Variants in KCNIP4 observed in about 807,000 individuals in gnomAD.
KCNIP4 encodes the protein potassium voltage-gated channel interacting protein 4.
Under a neutral mutation model 34.0 loss-of-function variants are expected in KCNIP4, and 12 were observed. The observed-to-expected ratio is 0.35, with a 90% CI of 0.23 to 0.57. KCNIP4 has a LOEUF of 0.57. Among genes scored for constraint, KCNIP4 ranks in the 20% least tolerant of loss-of-function variants. The pLI is 0.83. For synonymous variants in KCNIP4, 124 were observed against 102.2 expected (o/e 1.21, Z -1.29); for missense variants, 238 against 311.7 (o/e 0.76, Z 1.78).
At chr4:20,763,334 A>G (rs180796435) in intron 3 of KCNIP4, among the ~76,000 whole-genome samples, 143 of 152,296 alleles carry the variant, frequency 9.4e-4, no homozygotes, top group African/African-American at 3.2e-3. Flanking sequence ...TCTTATTCAC[A>G]TAACAATCTT....
rs550974191 is a variant in KCNIP4, at chr4:21,436,537, A to G, written c.61+512034T>C. Among the ~76,000 whole-genome samples the G allele has an allele frequency of 9.2e-5, 14 of 152,332 alleles. No homozygotes were observed. The South Asian group carries it at 2.9e-3, about 32-fold the overall frequency. ...TCACTACACATTCCCTTCTCGCCAC[A>G]TCTCCATTCAGGTAAAGCGATGGAG... On this transcript the variant is annotated intron_variant, in intron 1 of 8. Coordinates refer to ENST00000382152, the MANE Select transcript of KCNIP4 (RefSeq NM_025221.6).
chr4:21,181,465 GA>G (rs996430279), intron 1 of KCNIP4, among the ~76,000 whole-genome samples: 2 of 152,060 alleles, frequency 1.3e-5, no homozygotes, highest in African/African-American at 4.8e-5. Flanking sequence ...GTATCACATG[GA>G]TTGCACTGAC....
intron 1 of KCNIP4, among the ~76,000 whole-genome samples, chr4:21,247,535 T>C (rs919427560): frequency 1.4e-5 from 2 of 146,644 alleles, no homozygotes; most frequent in Non-Finnish European, 3.0e-5. Context: ...CAGGAACATT[T>C]ACAAGAAATA....
chr4:21,794,636 T>C (rs889735130), intron 1 of KCNIP4, among the ~76,000 whole-genome samples: 3 of 152,126 alleles, frequency 2.0e-5, no homozygotes, highest in Admixed American at 6.5e-5. Context: ...ATGCCTGTAA[T>C]CCCAGCACTT....
At chr4:21,286,319 T>G (rs1285450406) in intron 1 of KCNIP4, among the ~76,000 whole-genome samples, 1 of 152,172 alleles carries the variant, frequency 6.6e-6, no homozygotes, top group Non-Finnish European at 1.5e-5. Context: ...CCTATTAATA[T>G]GAAGCAACAA....
chr4:21,847,347 G>A (rs1161474088), intron 1 of KCNIP4: 1 of 152,044 alleles, frequency 6.6e-6, no homozygotes, highest in African/African-American at 2.4e-5. Flanking sequence ...CCAAGCATAC[G>A]TGGTAAAGCC....
intron 3 of KCNIP4, among the ~76,000 whole-genome samples, chr4:20,798,526 CACACACACACACAGACACACAA>C (rs1578643477): frequency 1.3e-5 from 2 of 151,440 alleles, no homozygotes; most frequent in East Asian, 3.9e-4. Context: ...CACACACATA[CACACACACACACAGACACACAA>C]AAAAGCTATG....
At chr4:21,654,747 C>T (rs1238571965) in intron 1 of KCNIP4, among the ~76,000 whole-genome samples, 1 of 152,016 alleles carries the variant, frequency 6.6e-6, no homozygotes, top group Non-Finnish European at 1.5e-5. Context: ...CATGGTGAAA[C>T]CCCGTCTCTA....
intron 1 of KCNIP4, among the ~76,000 whole-genome samples, chr4:21,631,292 T>C (rs1745749867): frequency 6.6e-6 from 1 of 152,214 alleles, no homozygotes; most frequent in Non-Finnish European, 1.5e-5. Flanking sequence ...AAAAAGATAG[T>C]AATATAAGCC....
intron 1 of KCNIP4, among the ~76,000 whole-genome samples, chr4:21,420,608 A>C (rs1725375061): frequency 6.6e-6 from 1 of 152,176 alleles, no homozygotes; most frequent in African/African-American, 2.4e-5. Context: ...TGTTTCATAC[A>C]TCTTTCCCAC....
At chr4:21,409,036 G>A (rs2201535) in intron 1 of KCNIP4, among the ~76,000 whole-genome samples, 99,611 of 151,666 alleles carry the variant, frequency 0.66, 33,927 homozygotes, top group African/African-American at 0.84. Flanking sequence ...ATGTTATTTG[G>A]TTTATATTTA....
chr4:21,792,744 G>T (rs1373105777), intron 1 of KCNIP4, among the ~76,000 whole-genome samples: 1 of 152,174 alleles, frequency 6.6e-6, no homozygotes, highest in African/African-American at 2.4e-5. Context: ...GTATTCCCAG[G>T]TTTAACCACC....
intron 1 of KCNIP4, among the ~76,000 whole-genome samples, chr4:21,277,897 T>C (rs76435434): frequency 0.053 from 8,019 of 152,230 alleles, 231 homozygotes; most frequent in African/African-American, 0.077. Context: ...GATAAAATGC[T>C]AAACAGCTTC....
At chr4:21,629,140 G>A (rs1219351014) in intron 1 of KCNIP4, among the ~76,000 whole-genome samples, 1 of 152,174 alleles carries the variant, frequency 6.6e-6, no homozygotes, top group Non-Finnish European at 1.5e-5. Flanking sequence ...GCAAAGCAGT[G>A]CAAAGCAATG....
intron 1 of KCNIP4, among the ~76,000 whole-genome samples, chr4:20,952,852 G>A (rs1365984026): frequency 6.6e-6 from 1 of 152,240 alleles, no homozygotes. Flanking sequence ...AGGCTGGGAA[G>A]TCTAAGATCA....
chr4:21,588,569 C>T (rs1191116916), intron 1 of KCNIP4, among the ~76,000 whole-genome samples: 1 of 151,980 alleles, frequency 6.6e-6, no homozygotes, highest in African/African-American at 2.4e-5. Context: ...ATTTCAGATA[C>T]ATATGCAGGA....
chr4:20,912,245 A>C (rs1728394643), intron 1 of KCNIP4, among the ~76,000 whole-genome samples: 2 of 152,170 alleles, frequency 1.3e-5, no homozygotes, highest in Admixed American at 1.3e-4. Flanking sequence ...GAAGAAGCAA[A>C]ATTATCTCCA....
At chr4:21,457,163 G>C (rs1275730950) in intron 1 of KCNIP4, among the ~76,000 whole-genome samples, 2 of 151,796 alleles carry the variant, frequency 1.3e-5, no homozygotes, top group Non-Finnish European at 2.9e-5. Context: ...TTCTTCCTTT[G>C]CTACCATCTT....
At chr4:21,243,349 T>G (rs1404147132) in intron 1 of KCNIP4, among the ~76,000 whole-genome samples, 1 of 152,216 alleles carries the variant, frequency 6.6e-6, no homozygotes, top group African/African-American at 2.4e-5. Flanking sequence ...TTCTTTTTAC[T>G]GTTTAAAGAT....
Sources: gnomAD v4.1 joint callset for allele counts (sites outside exome capture counted in the v4.1 genomes callset) on GRCh38, gnomAD v4.1.1 for gene constraint, MANE v1.5 for transcripts, NCBI Gene and HGNC (gene_info 2026-07-23, HGNC 2026-07-21) for gene names.